Variants in FLNB observed in about 807,000 individuals in gnomAD.
FLNB encodes the protein filamin B.
Under a neutral mutation model 250.6 loss-of-function variants are expected in FLNB, and 111 were observed. The ratio of observed to expected loss-of-function variants is 0.44; its 90% CI spans 0.38 to 0.52. The LOEUF (loss-of-function observed/expected upper bound fraction) is 0.52, where lower values mean the gene tolerates loss of function less well. FLNB is among the 20% of genes least tolerant of loss of function. The pLI, the probability that FLNB is intolerant of heterozygous loss-of-function variation, is 0.00. For missense variants in FLNB, 2,869 were observed against 3,447.8 expected (o/e 0.83, Z 4.20); for synonymous variants, 1,302 against 1,372.1 (o/e 0.95, Z 1.13).
At chr3:58,077,392 T>C (rs2097203180) in intron 2 of FLNB, 98 bp downstream of exon 2, 1 of 1,458,590 alleles carries the variant, frequency 6.9e-7, no homozygotes, top group African/African-American at 1.4e-5. Flanking sequence ...TTGCTTTGAT[T>C]AGCGTATTTC....
chr3:58,138,414 T>C lies in FLNB; in HGVS notation c.4994T>C (p.Ile1665Thr), dbSNP rs1319546492. The C allele has an allele frequency of 1.2e-6, 2 of 1,614,076 alleles. No homozygotes were observed. Among genetic ancestry groups the C allele is most frequent in the African/African-American group, 2.7e-5 (2 of 74,926 alleles). The change falls in exon 29 of 46, where the codon ATT (isoleucine) becomes ACT (threonine). Residue 1665 changes from isoleucine to threonine, a missense_variant. Physicochemically the swap from Ile to Thr is moderately conservative, Grantham distance 89. Transcript: ENST00000295956. ...GGCACTGAGGCCGAGGCCGATGTCA[T>C]TGAGAATGAAGATGGAACCTATGAC... ...PDGTEAEADV[I>T]ENEDGTYDIF...
intron 1 of FLNB, among the ~76,000 whole-genome samples, chr3:58,031,781 C>T (rs1258644862): frequency 6.6e-6 from 1 of 151,774 alleles, no homozygotes; most frequent in African/African-American, 2.4e-5. Context: ...TGGGTTCAAG[C>T]CATCCTCCCA....
rs371596156 is a variant in FLNB at position 58,115,040 on chromosome 3, C to T, written c.2745+2722C>T. On this transcript the variant is annotated intron_variant, in intron 18 of 45. Coordinates refer to ENST00000295956, the MANE Select transcript of FLNB (RefSeq NM_001457.4). ...ACAGTTCTCGTGTGCAGGTTATAAA[C>T]GCGGCTTCTTATCTCCAGACTTGCT... 1.7e-4 allele frequency among the ~76,000 whole-genome samples: 26 copies of T among 152,222 alleles called. No homozygotes were observed. The South Asian group carries it at 3.5e-3, about 21-fold the overall frequency.
chr3:58,030,084 G>C (rs140602914), intron 1 of FLNB, among the ~76,000 whole-genome samples: 187 of 152,294 alleles, frequency 1.2e-3, no homozygotes, highest in Admixed American at 5.4e-3. Context: ...GGTAGTAAGC[G>C]AGGCAAAGGA....
At chr3:58,009,654 C>G (rs1465040463) in intron 1 of FLNB, among the ~76,000 whole-genome samples, 2 of 152,128 alleles carry the variant, frequency 1.3e-5, no homozygotes, top group Non-Finnish European at 2.9e-5. Flanking sequence ...GAGGCTAGAC[C>G]CATTTTACAG....
intron 1 of FLNB, among the ~76,000 whole-genome samples, chr3:58,046,857 T>C (rs377587217): frequency 8.5e-5 from 13 of 152,216 alleles, no homozygotes; most frequent in African/African-American, 2.9e-4. Flanking sequence ...GATCTGTCCA[T>C]TCAGAACATT....
rs371474716 is a variant in FLNB at position 58,170,663 on chromosome 3, C to T, written c.7710C>T (p.Asn2570=). Reference sequence around the variant, plus strand: ...AGCATGTAGGCAACCAGCAATACAACGTCACATACGTCGTCAAGGAGAGGG... The same window carrying T: ...AGCATGTAGGCAACCAGCAATACAATGTCACATACGTCGTCAAGGAGAGGG... ...SMKHVGNQQY[N]VTYVVKERGD... Residue 2570 remains asparagine (N), a synonymous_variant, in exon 46 of 46, where the codon AAC becomes AAT. Coordinates refer to ENST00000295956, the MANE Select transcript of FLNB (RefSeq NM_001457.4). The T allele has an allele frequency of 6.8e-6, 11 of 1,614,094 alleles. No individual in the cohort carries two copies. Among genetic ancestry groups the T allele is most frequent in the Admixed American group, 5.0e-5 (3 of 60,014 alleles).
chr3:58,049,348 G>A (rs1464952325), intron 1 of FLNB, among the ~76,000 whole-genome samples: 1 of 152,172 alleles, frequency 6.6e-6, no homozygotes, highest in East Asian at 1.9e-4. Context: ...TGGTATCTCC[G>A]TGCTGTGGCC....
At chr3:58,023,908 C>T (rs1023196682) in intron 1 of FLNB, among the ~76,000 whole-genome samples, 2 of 152,168 alleles carry the variant, frequency 1.3e-5, no homozygotes, top group African/African-American at 4.8e-5. Flanking sequence ...ATAGGCAGCC[C>T]AGCATAGAAA....
At chr3:58,161,515 C>T (rs1367199426) in intron 42 of FLNB, among the ~76,000 whole-genome samples, 2 of 152,118 alleles carry the variant, frequency 1.3e-5, no homozygotes, top group African/African-American at 2.4e-5. Flanking sequence ...GCTAACTCCA[C>T]CCCAGACAGG....
intron 41 of FLNB, among the ~76,000 whole-genome samples, chr3:58,158,798 A>G (rs756582006): frequency 3.3e-5 from 5 of 152,156 alleles, no homozygotes; most frequent in East Asian, 1.9e-4. Flanking sequence ...ATGTCTTTCT[A>G]TGGCTTCTTG....
chr3:58,165,188 T>C (rs1320536453), intron 43 of FLNB: 1 of 152,464 alleles, frequency 6.6e-6, no homozygotes, highest in Non-Finnish European at 1.5e-5. Flanking sequence ...CCAGGAAGCA[T>C]CTCACCCTCC....
At chr3:58,108,360 C>A in intron 12 of FLNB, 98 bp from the exon 13 acceptor site, 1 of 774,318 alleles carries the variant, frequency 1.3e-6, no homozygotes, top group South Asian at 1.5e-5. Context: ...AGACACAGGT[C>A]ATTTTGTTCT....
At chr3:58,071,363 A>G (rs1176232751) in intron 1 of FLNB, among the ~76,000 whole-genome samples, 1 of 136,952 alleles carries the variant, frequency 7.3e-6, no homozygotes, top group Non-Finnish European at 1.5e-5. Context: ...ACTGTAGCCT[A>G]TGGCTCCCAG....
At chr3:58,116,004 C>A (rs1406415477) in intron 18 of FLNB, among the ~76,000 whole-genome samples, 1 of 152,122 alleles carries the variant, frequency 6.6e-6, no homozygotes. Flanking sequence ...CCCCCACCCC[C>A]AGCACAGAGC....
At chr3:58,108,699 A>G (rs1241058921) in intron 13 of FLNB, 128 bp downstream of exon 13, 5 of 694,968 alleles carry the variant, frequency 7.2e-6, no homozygotes, top group Non-Finnish European at 1.0e-5. Flanking sequence ...TAAGAAGATT[A>G]TCTTATAGGG....
Position 58,169,763 on chromosome 3 carries a change from A to G in FLNB, c.7591A>G (p.Ser2531Gly). The change falls in exon 45 of 46, where the codon AGT becomes GGT. Residue 2531 changes from serine (S) to glycine (G), a missense_variant. This residue lies in a region of FLNB where 1,084 missense variants were observed against 1,315.5 expected (regional missense o/e 0.82). Coordinates refer to ENST00000295956, the MANE Select transcript of FLNB (RefSeq NM_001457.4). The surrounding 1 kb of genome is among the most constrained non-coding windows in gnomAD (Gnocchi z 4.8). The part of the protein sequence containing the change: ...GLSKAFVGQK[S>G]SFLVDCSKAG... ...CTCAAAGGCCTTTGTGGGCCAGAAG[A>G]GTTCCTTCCTGGTGGACTGCAGCAA... 7.1e-7 allele frequency: 1 copy of G among 1,405,470 alleles called. No homozygotes were observed. Among genetic ancestry groups the G allele is most frequent in the Non-Finnish European group, 9.6e-7 (1 of 1,047,024 alleles). 87.1% of individuals were successfully genotyped at this position (1,405,470 alleles called of 1,614,324 possible).
chr3:58,102,737 A>G (rs1379629827), intron 9 of FLNB, among the ~76,000 whole-genome samples: 1 of 152,260 alleles, frequency 6.6e-6, no homozygotes, highest in African/African-American at 2.4e-5. Flanking sequence ...CTCCAAAGCC[A>G]GTGATTTTCC....
rs911708184 is a variant in FLNB, at chr3:58,039,455, C to G, written c.292+30599C>G. On this transcript the variant is annotated intron_variant, in intron 1 of 45. Coordinates refer to ENST00000295956, the MANE Select transcript of FLNB (RefSeq NM_001457.4). ...GACATTTCATTTCGTGATGGGAAAA[C>G]TGATGCCCAGAGGTTCACAGCTGAC... 3.9e-5 allele frequency among the ~76,000 whole-genome samples: 6 copies of G among 152,246 alleles called. No individual in the cohort carries two copies. The East Asian group carries it at 1.2e-3, about 29-fold the overall frequency.
Sources: allele counts gnomAD v4.1 joint callset (sites outside exome capture counted in the v4.1 genomes callset), GRCh38; gene constraint gnomAD v4.1.1; regional missense constraint gnomAD v4.1.1; non-coding constraint Gnocchi (gnomAD v3.1); transcripts MANE v1.5; gene names NCBI Gene and HGNC (gene_info 2026-07-23, HGNC 2026-07-21).